Variants in PLEKHA3 observed in about 807,000 individuals in gnomAD.
PLEKHA3 encodes pleckstrin homology domain-containing family A member 3.
PLEKHA3 carries 19 observed loss-of-function variants against 39.2 expected under a neutral mutation model. That is an observed-to-expected ratio of 0.48 (90% CI 0.34 to 0.71). PLEKHA3 has a LOEUF of 0.71. Among genes scored for constraint, PLEKHA3 ranks in the 30% least tolerant of loss-of-function variants. The pLI is 0.01. For missense variants in PLEKHA3, 253 were observed against 359.5 expected, an observed-to-expected ratio of 0.70 and a Z score of 2.40; for synonymous variants, 97 against 118.6, an observed-to-expected ratio of 0.82 and a Z score of 1.18.
intron 2 of PLEKHA3, among the ~76,000 whole-genome samples, chr2:178,490,457 G>T (rs375607154): frequency 3.9e-5 from 6 of 152,252 alleles, no homozygotes; most frequent in African/African-American, 1.4e-4. Flanking sequence ...TGGCACCATT[G>T]TTACCCCGGG....
rs746065014 is a variant in PLEKHA3 at position 178,514,380 on chromosome 2, T to C, written c.*10493T>C. The C allele has an allele frequency of 7.2e-5, 11 of 152,144 alleles. No homozygotes were observed. The highest frequency in any genetic ancestry group is 1.3e-4 in the Non-Finnish European group (9 of 68,032). The allele number at this position is 152,144 out of a possible 1,614,324, so 9.4% of individuals were successfully genotyped here. A position where few individuals can be genotyped will look rare whatever the true frequency, so the allele number is the denominator to read the frequency against. On this transcript the variant is annotated 3_prime_UTR_variant, in exon 8 of 8. Coordinates refer to ENST00000234453, the MANE Select transcript of PLEKHA3 (RefSeq NM_019091.4). Reference sequence around the variant, plus strand: ...ATCATCGAGAATATAGGGCAATGGGTATATTCTAACTTTGCATAACTTTGC... The same window carrying C: ...ATCATCGAGAATATAGGGCAATGGGCATATTCTAACTTTGCATAACTTTGC...
intron 2 of PLEKHA3, among the ~76,000 whole-genome samples, chr2:178,487,627 T>A (rs1434705502): frequency 1.3e-5 from 2 of 152,018 alleles, no homozygotes; most frequent in African/African-American, 4.8e-5. Context: ...TTTGTAGAGA[T>A]GGGATTTCAC....
At chr2:178,501,233 G>C in intron 7 of PLEKHA3, 57 bp downstream of exon 7, 3 of 1,255,394 alleles carry the variant, frequency 2.4e-6, no homozygotes, top group South Asian at 2.5e-5. Flanking sequence ...TTACTGTGGG[G>C]CTCTGTAATT....
intron 3 of PLEKHA3, among the ~76,000 whole-genome samples, chr2:178,491,693 G>A (rs1242523613): frequency 2.6e-5 from 4 of 152,144 alleles, no homozygotes; most frequent in Admixed American, 2.6e-4. Flanking sequence ...ATTATAGTTT[G>A]TCTTAGTTCA....
rs1293909072 is a variant in PLEKHA3 at position 178,495,558 on chromosome 2, G to A, written c.513G>A (p.Glu171=). ...GTAACACATTCATCACAACGCTTGA[G>A]GAATGTGTGAAGATAGCCAATGCCA... ...ATCNTFITTL[E]ECVKIANAKF... Residue 171 remains glutamate, a synonymous_variant, in exon 5 of 8, where the codon GAG becomes GAA. Transcript: ENST00000234453. 2 of 1,614,094 alleles carry A rather than the reference G, an allele frequency of 1.2e-6. No individual in the cohort carries two copies. Among genetic ancestry groups the A allele is most frequent in the Middle Eastern group, 1.6e-4 (1 of 6,062 alleles).
intron 6 of PLEKHA3, among the ~76,000 whole-genome samples, chr2:178,500,338 G>A (rs1685511234): frequency 6.6e-6 from 1 of 152,066 alleles, no homozygotes; most frequent in African/African-American, 2.4e-5. Flanking sequence ...AGGGAATCAA[G>A]AGTCCCACCA....
chr2:178,485,985 G>GTCTTCCAATTTGGAT (rs1685245563), intron 2 of PLEKHA3, among the ~76,000 whole-genome samples: 1 of 152,120 alleles, frequency 6.6e-6, no homozygotes, highest in Non-Finnish European at 1.5e-5. Flanking sequence ...ACTTTTGCTA[G>GTCTTCCAATTTGGAT]TCTTCCAATT....
chr2:178,495,671 CT>C lies in PLEKHA3; in HGVS notation c.615+13del. ...TCTCCTGTTCAAATGGTTTGAACTT[CT>C]TGTTTTGGTTTTTTCCCTCAGTAGT... On this transcript the variant is annotated intron_variant, in intron 5 of 7. Coordinates refer to ENST00000234453, the MANE Select transcript of PLEKHA3 (RefSeq NM_019091.4). 6 of 1,577,740 alleles carry C rather than the reference CT, an allele frequency of 3.8e-6. No homozygotes were observed. Among genetic ancestry groups the C allele is most frequent in the Non-Finnish European group, 5.2e-6 (6 of 1,160,634 alleles).
chr2:178,481,571 T>A (rs553451704), intron 1 of PLEKHA3, among the ~76,000 whole-genome samples: 9 of 152,210 alleles, frequency 5.9e-5, no homozygotes, highest in African/African-American at 2.2e-4. Flanking sequence ...GGAAAAACTT[T>A]GAAGAAATGA....
intron 4 of PLEKHA3, 137 bp downstream of exon 4, chr2:178,494,126 A>C (rs1359329921): frequency 2.3e-6 from 2 of 867,100 alleles, no homozygotes; most frequent in Non-Finnish European, 3.4e-6. Flanking sequence ...ACTGTATACT[A>C]TCTGGAAATC....
rs2154128282 is a variant in PLEKHA3 at position 178,511,386 on chromosome 2, T to C, written c.*7499T>C. ...CTTTGATCTCTAATTTTTTTTTTTT[T>C]TTTTTGAGACAGAGTCTCACTCTGT... On this transcript the variant is annotated 3_prime_UTR_variant, in exon 8 of 8. Transcript: ENST00000234453. 1 of 151,670 alleles carries C rather than the reference T, an allele frequency of 6.6e-6. No homozygotes were observed. Among genetic ancestry groups the C allele is most frequent in the Non-Finnish European group, 1.5e-5 (1 of 67,970 alleles). 9.4% of individuals were successfully genotyped at this position (151,670 alleles called of 1,614,324 possible).
rs1575151215 is a variant in PLEKHA3 at position 178,515,127 on chromosome 2, T to C, written c.*11240T>C. ...CTTTTGGGGATTTGACTCCTGCAGG[T>C]ATTTTTTTTTTTTTCTTTTGGGGGA... On this transcript the variant is annotated 3_prime_UTR_variant, in exon 8 of 8. Coordinates refer to ENST00000234453, the MANE Select transcript of PLEKHA3 (RefSeq NM_019091.4). 7.1e-6 allele frequency: 1 copy of C among 141,176 alleles called. No homozygotes were observed. The highest frequency in any genetic ancestry group is 7.6e-5 in the Admixed American group (1 of 13,154). The allele number at this position is 141,176 out of a possible 1,614,324, so 8.7% of individuals were successfully genotyped here.
At chr2:178,494,014 G>T (rs751639004) in intron 4 of PLEKHA3, 25 bp downstream of exon 4, 2 of 1,609,170 alleles carry the variant, frequency 1.2e-6, no homozygotes, top group Non-Finnish European at 1.7e-6. Context: ...ATCTCTTCAC[G>T]TGTGGTTATG....
In PLEKHA3 at chr2:178,485,706, G is replaced by A; in HGVS notation, c.106G>A (p.Val36Ile). Residue 36 changes from valine (V) to isoleucine (I), a missense_variant, in exon 2 of 8, where the codon GTT (valine) becomes ATT (isoleucine). Around this residue, in one of 2 missense-constraint regions of PLEKHA3, gnomAD observed 126 missense variants for 222.7 expected, o/e 0.57. Coordinates refer to ENST00000234453, the MANE Select transcript of PLEKHA3 (RefSeq NM_019091.4). ...ILSYYDSQDDVCKGSKGSIKM... is the reference protein window; with the variant it reads ...ILSYYDSQDDICKGSKGSIKM... ...ATCCTACTATGATTCACAAGATGAT[G>A]TTTGCAAAGGGAGCAAAGGAAGCAT... 6.2e-7 allele frequency: 1 copy of A among 1,613,884 alleles called. No individual in the cohort carries two copies. Among genetic ancestry groups the A allele is most frequent in the Non-Finnish European group, 8.5e-7 (1 of 1,179,874 alleles).
At position 178,511,802 on chromosome 2, in the gene PLEKHA3, GC is replaced by G. The variant is rs1362493281; in HGVS notation, c.*7917del. 6.6e-6 allele frequency: 1 copy of G among 152,058 alleles called. No individual in the cohort carries two copies. Among genetic ancestry groups the G allele is most frequent in the African/African-American group, 2.4e-5 (1 of 41,358 alleles). 9.4% of individuals were successfully genotyped at this position (152,058 alleles called of 1,614,324 possible). The stretch of plus-strand genomic sequence containing the variant: ...GAAAGTGCTGGGATTACAGGCGGGA[GC>G]CACCGTGCCTGACCTGACCTCTCCA... On this transcript the variant is annotated 3_prime_UTR_variant, in exon 8 of 8. Transcript: ENST00000234453.
rs1575149722 is a variant in PLEKHA3, at chr2:178,510,587, A to C, written c.*6700A>C. ...AAAGGGCTTGTGGGCGTGGGTGAAC[A>C]CTCTCCTGCTCTTCTGCCAAATGTC... is the stretch of plus-strand genomic sequence containing the variant. On this transcript the variant is annotated 3_prime_UTR_variant, in exon 8 of 8. Coordinates refer to ENST00000234453, the MANE Select transcript of PLEKHA3 (RefSeq NM_019091.4). 6.5e-6 allele frequency: 1 copy of C among 153,362 alleles called. No individual in the cohort carries two copies. The highest frequency in any genetic ancestry group is 6.6e-5 in the Admixed American group (1 of 15,228). 9.5% of individuals were successfully genotyped at this position (153,362 alleles called of 1,614,324 possible).
Position 178,515,148 on chromosome 2 carries a change from G to A in PLEKHA3, c.*11261G>A, listed in dbSNP as rs1685744311. 1 of 146,410 alleles carries A rather than the reference G, an allele frequency of 6.8e-6. No individual in the cohort carries two copies. The highest frequency in any genetic ancestry group is 7.1e-5 in the Admixed American group (1 of 14,074). The allele number at this position is 146,410 out of a possible 1,614,324, so 9.1% of individuals were successfully genotyped here. On this transcript the variant is annotated 3_prime_UTR_variant, in exon 8 of 8. Transcript: ENST00000234453. ...CAGGTATTTTTTTTTTTTTCTTTTG[G>A]GGGAGTGTGACGGCAGTGGATATAG...
In PLEKHA3 at chr2:178,486,089, G is replaced by A. The variant is rs544668992; in HGVS notation, c.157+332G>A. ...TCATTATTGTTGTAATTAATAGAAA[G>A]ATATTGTAAAAGTTGGAGGCTGAAC... On this transcript the variant is annotated intron_variant, in intron 2 of 7. Transcript: ENST00000234453. 2.5e-4 allele frequency among the ~76,000 whole-genome samples: 38 copies of A among 152,304 alleles called. 2 individuals are homozygous for A. The South Asian group carries it at 6.0e-3, about 24-fold the overall frequency.
At chr2:178,496,646 G>A (rs1685452273) in intron 5 of PLEKHA3, among the ~76,000 whole-genome samples, 1 of 152,250 alleles carries the variant, frequency 6.6e-6, no homozygotes, top group African/African-American at 2.4e-5. Context: ...ATTAATTTGG[G>A]AATTGCTAGG....
Sources: allele counts gnomAD v4.1 joint callset (sites outside exome capture counted in the v4.1 genomes callset), GRCh38; gene constraint gnomAD v4.1.1; regional missense constraint gnomAD v4.1.1; transcripts MANE v1.5; gene names NCBI Gene and HGNC (gene_info 2026-07-23, HGNC 2026-07-21).